Variants in FAAH2 observed in about 807,000 individuals in gnomAD.
FAAH2 encodes the protein fatty acid amide hydrolase 2.
In FAAH2, 60 loss-of-function variants were observed where a neutral mutation model predicts 36.9. The ratio of observed to expected loss-of-function variants is 1.63; its 90% CI spans 1.32 to 2.02. The LOEUF (loss-of-function observed/expected upper bound fraction) is 2.02, where lower values mean the gene tolerates loss of function less well. Ranked by LOEUF, FAAH2 falls within the 30% of genes most tolerant of loss-of-function variation. FAAH2 has a pLI of 0.00. For synonymous variants in FAAH2, 214 were observed against 143.8 expected (o/e 1.49, Z -3.49); for missense variants, 689 against 397.5 (o/e 1.73, Z -6.23).
At chrX:57,212,528 A>T in the FAAH2 span, among the ~76,000 whole-genome samples, 1 of 112,764 alleles carries the variant, frequency 8.9e-6, no homozygotes, top group African/African-American at 3.2e-5. Flanking sequence ...TTTAAAAAAT[A>T]AAACAAAACT....
chrX:57,421,803 A>G (rs1245477018), intron 7 of FAAH2, among the ~76,000 whole-genome samples: 1 of 112,058 alleles, frequency 8.9e-6, no homozygotes, highest in Non-Finnish European at 1.9e-5. Flanking sequence ...CTGTGAAATG[A>G]GTTCCTTGAT....
chrX:57,184,949 T>C, the FAAH2 span, among the ~76,000 whole-genome samples: 3 of 111,470 alleles, frequency 2.7e-5, no homozygotes, highest in Admixed American at 9.5e-5. Context: ...ATTATTTTTA[T>C]TTGTGTGGAT....
intron 7 of FAAH2, among the ~76,000 whole-genome samples, chrX:57,429,278 G>T (rs2056237424): frequency 9.4e-6 from 1 of 106,155 alleles, no homozygotes; most frequent in Admixed American, 1.0e-4. Context: ...GGTGGAGCTT[G>T]CAGTGAGCCC....
At chrX:57,332,630 A>G (rs1161358811) in intron 4 of FAAH2, among the ~76,000 whole-genome samples, 1 of 111,392 alleles carries the variant, frequency 9.0e-6, no homozygotes, top group Non-Finnish European at 1.9e-5. Flanking sequence ...GTTCATTGTG[A>G]AAAAGTTTGA....
intron 1 of FAAH2, among the ~76,000 whole-genome samples, chrX:57,290,765 C>T (rs775822449): frequency 5.2e-4 from 58 of 110,996 alleles, no homozygotes; most frequent in African/African-American, 1.8e-3. Flanking sequence ...TATATATTGT[C>T]TTACTTTTTA....
chrX:57,426,595 G>A lies in FAAH2; in HGVS notation c.997-5323G>A, dbSNP rs1018403140. 2.7e-5 allele frequency among the ~76,000 whole-genome samples: 3 copies of A among 111,423 alleles called. No individual in the cohort carries two copies. In the Admixed American group the frequency reaches 2.9e-4, roughly 11 times the overall value. Reference sequence around the variant, plus strand: ...ATAAAACTAGAAATCAATTCCAAAAGGAACCCTTGAACTGTAAAAATACAT... The same window carrying A: ...ATAAAACTAGAAATCAATTCCAAAAAGAACCCTTGAACTGTAAAAATACAT... On this transcript the variant is annotated intron_variant, in intron 7 of 10. Coordinates refer to ENST00000374900, the MANE Select transcript of FAAH2 (RefSeq NM_174912.4).
chrX:57,193,155 A>G, the FAAH2 span, among the ~76,000 whole-genome samples: 1 of 112,041 alleles, frequency 8.9e-6, no homozygotes, highest in South Asian at 3.8e-4. Flanking sequence ...TTTCTCAGCA[A>G]GGAACATCCC....
the FAAH2 span, among the ~76,000 whole-genome samples, chrX:57,124,864 G>C: frequency 9.8e-5 from 11 of 112,378 alleles, no homozygotes; most frequent in Non-Finnish European, 2.1e-4. Flanking sequence ...TGTATCCTGA[G>C]ACTTGGCTGA....
the FAAH2 span, among the ~76,000 whole-genome samples, chrX:57,265,359 C>A: frequency 2.9e-4 from 32 of 111,858 alleles, no homozygotes; most frequent in South Asian, 7.6e-4. Flanking sequence ...ACTTCCGTTG[C>A]ACCTCACAGG....
chrX:57,383,540 G>A (rs1337202571), intron 7 of FAAH2, among the ~76,000 whole-genome samples: 3 of 111,637 alleles, frequency 2.7e-5, no homozygotes, highest in Non-Finnish European at 3.8e-5. Context: ...AACAGAAACA[G>A]AGAACCAAAT....
chrX:57,473,805 G>C (rs2057213373), intron 10 of FAAH2, among the ~76,000 whole-genome samples: 1 of 111,280 alleles, frequency 9.0e-6, no homozygotes, highest in South Asian at 3.8e-4. Context: ...TCTAAAGTCT[G>C]TTTTATCTGA....
chrX:57,257,672 C>T, the FAAH2 span, among the ~76,000 whole-genome samples: 3 of 110,077 alleles, frequency 2.7e-5, no homozygotes, highest in Non-Finnish European at 3.8e-5. Flanking sequence ...GCATATGTAA[C>T]CCAGAACTTA....
chrX:57,380,816 A>T (rs752978487), intron 6 of FAAH2, 96 bp from the exon 7 acceptor site: 16 of 516,173 alleles, frequency 3.1e-5, no homozygotes, highest in Non-Finnish European at 4.7e-5. Context: ...CAGGGAAAAA[A>T]ATACTTCATT....
intron 5 of FAAH2, among the ~76,000 whole-genome samples, chrX:57,369,268 G>T (rs963985668): frequency 6.3e-5 from 7 of 111,099 alleles, no homozygotes; most frequent in Admixed American, 3.9e-4. Context: ...CTGCATTCTA[G>T]AGATTTCAGT....
chrX:57,479,307 A>G (rs949515980), intron 10 of FAAH2, among the ~76,000 whole-genome samples: 56 of 111,817 alleles, frequency 5.0e-4, no homozygotes, highest in Non-Finnish European at 9.6e-4. Context: ...ATTGGTATAT[A>G]AGAATGCTTG....
At chrX:57,376,277 G>A (rs1485951588) in intron 5 of FAAH2, among the ~76,000 whole-genome samples, 1 of 110,615 alleles carries the variant, frequency 9.0e-6, no homozygotes, top group Non-Finnish European at 1.9e-5. Flanking sequence ...TTAAATATGT[G>A]CAGAACATGC....
intron 2 of FAAH2, 56 bp from the exon 3 acceptor site, chrX:57,310,537 A>G: frequency 1.7e-6 from 2 of 1,143,687 alleles, no homozygotes; most frequent in Non-Finnish European, 2.3e-6. Context: ...TTCTTTTAAT[A>G]AAGTTGGTTG....
intron 10 of FAAH2, among the ~76,000 whole-genome samples, chrX:57,470,779 G>C (rs904129919): frequency 8.1e-5 from 9 of 111,237 alleles, no homozygotes; most frequent in African/African-American, 2.6e-4. Context: ...CCAAAGCCTG[G>C]CAGAGACACA....
At chrX:57,392,964 A>T (rs2055202344) in intron 7 of FAAH2, 2 of 917,767 alleles carry the variant, frequency 2.2e-6, no homozygotes, top group Non-Finnish European at 3.2e-6. Context: ...CTGTGCAATG[A>T]TCCTGATTTT....
Sources: gnomAD v4.1 joint callset for allele counts (sites outside exome capture counted in the v4.1 genomes callset) on GRCh38, gnomAD v4.1.1 for gene constraint, MANE v1.5 for transcripts, NCBI Gene and HGNC (gene_info 2026-07-23, HGNC 2026-07-21) for gene names.